Variants in FAM163A observed in about 807,000 individuals in gnomAD.
FAM163A encodes family with sequence similarity 163 member A, also known as protein FAM163A.
FAM163A carries 7 observed loss-of-function variants against 12.0 expected under a neutral mutation model. The observed-to-expected ratio is 0.58, with a 90% CI of 0.33 to 1.10. FAM163A has a LOEUF of 1.10. Ranked by LOEUF, FAM163A falls within the 50% of genes least tolerant of loss-of-function variation. The pLI is 0.03. For synonymous variants in FAM163A, 101 were observed against 91.0 expected (o/e 1.11, Z -0.62); for missense variants, 202 against 218.6 (o/e 0.92, Z 0.48).
At chr1:179,793,543 A>G (rs577551499) in intron 1 of FAM163A, among the ~76,000 whole-genome samples, 1 of 152,292 alleles carries the variant, frequency 6.6e-6, no homozygotes. Context: ...TAGTGCTATT[A>G]GGGGGCAGTG....
chr1:179,734,797 C>T, the FAM163A span, among the ~76,000 whole-genome samples: 1 of 152,128 alleles, frequency 6.6e-6, no homozygotes, highest in East Asian at 1.9e-4. Context: ...ACCAGATGAA[C>T]CTGTCTTCAA....
Position 179,813,845 on chromosome 1 carries a change from C to T in FAM163A, c.160C>T (p.Pro54Ser). ...DEEEEREHDL[P>S]THPRGPTCNA... ...GGAGGAGGAGCGGGAGCACGACCTTCCCACGCATCCCAGAGGCCCCACCTG... is the reference window on the plus strand; with the variant it reads ...GGAGGAGGAGCGGGAGCACGACCTTTCCACGCATCCCAGAGGCCCCACCTG... Residue 54 changes from proline (P) to serine (S), a missense_variant, in exon 5 of 5, where the codon CCC becomes TCC. By Grantham distance (74) the Pro-to-Ser change is moderately conservative. Coordinates refer to ENST00000341785, the MANE Select transcript of FAM163A (RefSeq NM_173509.3). 6.2e-7 allele frequency: 1 copy of T among 1,614,026 alleles called. No individual in the cohort carries two copies. The highest frequency in any genetic ancestry group is 8.5e-7 in the Non-Finnish European group (1 of 1,180,016).
At chr1:179,786,993 A>G (rs1387069998) in intron 1 of FAM163A, among the ~76,000 whole-genome samples, 1 of 152,244 alleles carries the variant, frequency 6.6e-6, no homozygotes, top group African/African-American at 2.4e-5. Flanking sequence ...GCCTGCTGCC[A>G]GGAAAAGGGA....
intron 2 of FAM163A, among the ~76,000 whole-genome samples, chr1:179,808,864 A>G (rs1005903459): frequency 1.3e-5 from 2 of 152,134 alleles, no homozygotes; most frequent in Admixed American, 1.3e-4. Context: ...CAGCATTTGC[A>G]TCTAGTTGCA....
intron 1 of FAM163A, among the ~76,000 whole-genome samples, chr1:179,759,615 G>A (rs905178527): frequency 1.3e-4 from 20 of 152,126 alleles, no homozygotes; most frequent in African/African-American, 4.3e-4. Flanking sequence ...TGCAGATAGG[G>A]ACCAAAGGGA....
At chr1:179,761,389 G>A (rs1318714928) in intron 1 of FAM163A, among the ~76,000 whole-genome samples, 2 of 152,210 alleles carry the variant, frequency 1.3e-5, no homozygotes, top group African/African-American at 2.4e-5. Flanking sequence ...GCTGGTGACC[G>A]TGACTGCACA....
chr1:179,763,004 A>G (rs1687016551), intron 1 of FAM163A, among the ~76,000 whole-genome samples: 1 of 152,236 alleles, frequency 6.6e-6, no homozygotes, highest in African/African-American at 2.4e-5. Flanking sequence ...TCATCTCTAC[A>G]TGGGAGATAC....
chr1:179,774,822 T>C (rs1263012034), intron 1 of FAM163A, among the ~76,000 whole-genome samples: 1 of 152,192 alleles, frequency 6.6e-6, no homozygotes, highest in Non-Finnish European at 1.5e-5. Context: ...TTTTTAGTTC[T>C]GGCTGAGTGA....
chr1:179,767,448 G>T (rs75872237), intron 1 of FAM163A, among the ~76,000 whole-genome samples: 1,852 of 152,162 alleles, frequency 0.012, 56 homozygotes, highest in African/African-American at 0.042. Flanking sequence ...TCTCCCACAC[G>T]GCTGCCAGTA....
At chr1:179,775,504 G>A (rs1171916483) in intron 1 of FAM163A, among the ~76,000 whole-genome samples, 1 of 152,172 alleles carries the variant, frequency 6.6e-6, no homozygotes, top group Non-Finnish European at 1.5e-5. Flanking sequence ...GCGTGAAATG[G>A]CCTTAGGTTC....
intron 1 of FAM163A, among the ~76,000 whole-genome samples, chr1:179,774,059 T>C (rs72708626): frequency 1.8e-3 from 270 of 152,340 alleles, no homozygotes; most frequent in Non-Finnish European, 3.5e-3. Context: ...GTCATCTTTG[T>C]CCATGTTCTG....
chr1:179,767,894 C>T lies in FAM163A; in HGVS notation c.-136+24471C>T, dbSNP rs116521188. ...CAATTAATTTCCCCTCTTAACCATT[C>T]GTAAGTGTTAAGTAGTGTTAAGTAT... is the stretch of plus-strand genomic sequence containing the variant. On this transcript the variant is annotated intron_variant, in intron 1 of 4. Coordinates refer to ENST00000341785, the MANE Select transcript of FAM163A (RefSeq NM_173509.3). Among the ~76,000 whole-genome samples, 545 of 152,230 alleles carry T rather than the reference C, an allele frequency of 3.6e-3. 5 individuals carry two copies. Among genetic ancestry groups the T allele is most frequent in the African/African-American group, 0.012 (519 of 41,558 alleles).
At chr1:179,744,269 G>A (rs1684108239) in intron 1 of FAM163A, among the ~76,000 whole-genome samples, 1 of 152,086 alleles carries the variant, frequency 6.6e-6, no homozygotes, top group African/African-American at 2.4e-5. Context: ...ATTCCAGAGG[G>A]CCCTGCGCGC....
the FAM163A span, among the ~76,000 whole-genome samples, chr1:179,737,382 T>C: frequency 6.6e-6 from 1 of 152,204 alleles, no homozygotes; most frequent in African/African-American, 2.4e-5. Context: ...TGTTGTTCAA[T>C]GGCTATACAG....
intron 1 of FAM163A, among the ~76,000 whole-genome samples, chr1:179,805,889 C>A (rs979537445): frequency 6.6e-6 from 1 of 152,234 alleles, no homozygotes; most frequent in Non-Finnish European, 1.5e-5. Context: ...CCTTCACCCA[C>A]TCAAGCACTG....
intron 1 of FAM163A, among the ~76,000 whole-genome samples, chr1:179,749,410 A>G (rs1236591879): frequency 6.6e-6 from 1 of 152,272 alleles, no homozygotes; most frequent in African/African-American, 2.4e-5. Context: ...GATAAGCAGT[A>G]GCAGACACCA....
intron 1 of FAM163A, among the ~76,000 whole-genome samples, chr1:179,798,256 T>C (rs1692649670): frequency 6.6e-6 from 1 of 152,154 alleles, no homozygotes; most frequent in Non-Finnish European, 1.5e-5. Context: ...TGTTTAGATG[T>C]GAATGTTCCA....
chr1:179,805,552 A>C (rs1693816740), intron 1 of FAM163A, among the ~76,000 whole-genome samples: 1 of 152,100 alleles, frequency 6.6e-6, no homozygotes, highest in South Asian at 2.1e-4. Context: ...CTCAAAAAAA[A>C]AAAAAGGAAT....
intron 2 of FAM163A, among the ~76,000 whole-genome samples, chr1:179,811,403 G>A (rs1485882626): frequency 6.6e-6 from 1 of 152,220 alleles, no homozygotes; most frequent in Non-Finnish European, 1.5e-5. Context: ...AGAAGAATTT[G>A]AGGAGTTTAA....
Sources: gnomAD v4.1 joint callset for allele counts (sites outside exome capture counted in the v4.1 genomes callset) on GRCh38, gnomAD v4.1.1 for gene constraint, MANE v1.5 for transcripts, NCBI Gene and HGNC (gene_info 2026-07-23, HGNC 2026-07-21) for gene names.